Variants in NCR1 observed in about 807,000 individuals in gnomAD.
NCR1 encodes NK cell-activating receptor.
Under a neutral mutation model 32.5 loss-of-function variants are expected in NCR1, and 30 were observed. That is an observed-to-expected ratio of 0.92 (90% CI 0.69 to 1.25). The LOEUF is 1.25. Ranked by LOEUF, NCR1 falls within the 50% of genes most tolerant of loss-of-function variation. The pLI is 0.00. For missense variants in NCR1, 369 were observed against 380.7 expected, an observed-to-expected ratio of 0.97 and a Z score of 0.26; for synonymous variants, 169 against 143.4, an observed-to-expected ratio of 1.18 and a Z score of -1.28.
chr19:54,909,860 G>A (rs962609639), intron 4 of NCR1, among the ~76,000 whole-genome samples, 158 bp from the exon 5 acceptor site: 3 of 150,638 alleles, frequency 2.0e-5, no homozygotes, highest in Non-Finnish European at 4.4e-5. Context: ...GCTTGAACCC[G>A]GGAGGCGGGG....
the NCR1 span, among the ~76,000 whole-genome samples, chr19:54,936,012 G>A: frequency 6.6e-6 from 1 of 152,150 alleles, no homozygotes; most frequent in African/African-American, 2.4e-5. Context: ...GTCAGGAATA[G>A]CATGTCCCTA....
At chr19:54,899,174 C>G in the NCR1 span, among the ~76,000 whole-genome samples, 33 of 152,168 alleles carry the variant, frequency 2.2e-4, no homozygotes, top group African/African-American at 8.0e-4. Context: ...GCCCATTTTA[C>G]AACAAGAATT....
At position 54,913,000 on chromosome 19, in the gene NCR1, A is replaced by G. The variant is rs1230512683; in HGVS notation, c.*129A>G. On this transcript the variant is annotated 3_prime_UTR_variant, in exon 7 of 7. Transcript: ENST00000291890. Reference sequence around the variant, plus strand: ...AGGGAAAGAGGGACACTGGCATTCCATTTGTCAGAGCATCCCGGACGATGC... The same window carrying G: ...AGGGAAAGAGGGACACTGGCATTCCGTTTGTCAGAGCATCCCGGACGATGC... 1.8e-5 allele frequency: 15 copies of G among 835,582 alleles called. No homozygotes were observed. The highest frequency in any genetic ancestry group is 2.6e-5 in the Non-Finnish European group (14 of 548,674). The allele number at this position is 835,582 out of a possible 1,614,324, so 51.8% of individuals were successfully genotyped here.
the NCR1 span, among the ~76,000 whole-genome samples, chr19:54,929,580 G>A: frequency 6.6e-6 from 1 of 152,182 alleles, no homozygotes; most frequent in South Asian, 2.1e-4. Context: ...TTCTGGGGGT[G>A]GTATCCCACC....
intron 2 of NCR1, 41 bp from the exon 3 acceptor site, chr19:54,906,482 A>AG (rs769796522): frequency 6.3e-7 from 1 of 1,598,814 alleles, no homozygotes; most frequent in Non-Finnish European, 8.5e-7. Flanking sequence ...GGTTGGGGGG[A>AG]GGGGGCTCCG....
the NCR1 span, chr19:54,936,520 A>C: frequency 8.7e-7 from 1 of 1,151,210 alleles, no homozygotes; most frequent in Non-Finnish European, 1.3e-6. Context: ...TTTCACATTT[A>C]GAAATTATTA....
At chr19:54,906,366 C>A (rs1257111703) in intron 2 of NCR1, 32 bp downstream of exon 2, 2 of 1,611,656 alleles carry the variant, frequency 1.2e-6, no homozygotes, top group East Asian at 2.2e-5. Flanking sequence ...CAGGGTCACT[C>A]TTCCGGATTC....
intron 4 of NCR1, 32 bp downstream of exon 4, chr19:54,909,555 G>T: frequency 6.3e-7 from 1 of 1,582,864 alleles, no homozygotes. Context: ...CACACCCTTC[G>T]CCGCCATGTG....
chr19:54,912,155 C>G lies in NCR1; in HGVS notation c.683-13C>G. 1 of 1,612,956 alleles carries G rather than the reference C, an allele frequency of 6.2e-7. No homozygotes were observed. Among genetic ancestry groups the G allele is most frequent in the East Asian group, 2.2e-5 (1 of 44,850 alleles). ...CAAAACCATCCTCTTTTCTTCACTT[C>G]CCTTATCATCAGCAGACACTTGGGG... On this transcript the variant is annotated splice_polypyrimidine_tract_variant and intron_variant, in intron 5 of 6. Coordinates refer to ENST00000291890, the MANE Select transcript of NCR1 (RefSeq NM_004829.7).
At chr19:54,923,246 T>G in the NCR1 span, among the ~76,000 whole-genome samples, 1 of 152,152 alleles carries the variant, frequency 6.6e-6, no homozygotes, top group Non-Finnish European at 1.5e-5. Context: ...GGGCCCACAG[T>G]GCCAAGCATA....
the NCR1 span, among the ~76,000 whole-genome samples, chr19:54,932,105 C>T: frequency 2.0e-5 from 3 of 152,042 alleles, no homozygotes; most frequent in East Asian, 1.9e-4. Flanking sequence ...CTTCGTATAA[C>T]GATCAGGTAG....
chr19:54,911,682 G>A (rs1244889356), intron 5 of NCR1, among the ~76,000 whole-genome samples: 1 of 152,110 alleles, frequency 6.6e-6, no homozygotes, highest in African/African-American at 2.4e-5. Context: ...CTCGGGAGGC[G>A]GAGGTTGCAG....
downstream of NCR1, among the ~76,000 whole-genome samples, chr19:54,913,913 T>C (rs775830): frequency 0.12 from 17,644 of 151,594 alleles, 2,348 homozygotes; most frequent in African/African-American, 0.32. Flanking sequence ...ACTAAAAATA[T>C]AAAAATTAGC....
At chr19:54,903,077 C>T (rs2067329163), upstream of NCR1, among the ~76,000 whole-genome samples, 1 of 151,802 alleles carries the variant, frequency 6.6e-6, no homozygotes, top group Non-Finnish European at 1.5e-5. Context: ...TTGCAGTGAG[C>T]TGAGATTGCA....
chr19:54,902,087 T>C (rs749887983), upstream of NCR1, among the ~76,000 whole-genome samples: 1 of 152,190 alleles, frequency 6.6e-6, no homozygotes, highest in Non-Finnish European at 1.5e-5. Context: ...GATCAGACAA[T>C]AGTGTCATAT....
downstream of NCR1, among the ~76,000 whole-genome samples, chr19:54,918,037 A>C (rs946209992): frequency 7.2e-5 from 11 of 151,972 alleles, no homozygotes; most frequent in African/African-American, 2.7e-4. Flanking sequence ...GCTCACTGCA[A>C]GCTCCGCCTC....
At chr19:54,934,412 A>C in the NCR1 span, 4 of 1,468,890 alleles carry the variant, frequency 2.7e-6, no homozygotes, top group East Asian at 2.3e-5. This position sits in a 1 kb window ranked among gnomAD's most constrained non-coding sequence, Gnocchi z 6.7. Flanking sequence ...TGGGTGGCGC[A>C]GTAAGTCAGG....
At chr19:54,914,439 AAT>A (rs2068091701), downstream of NCR1, among the ~76,000 whole-genome samples, 1 of 151,996 alleles carries the variant, frequency 6.6e-6, no homozygotes, top group Non-Finnish European at 1.5e-5. Context: ...CCAGGGTTCA[AAT>A]GATTCTCCTG....
chr19:54,935,465 A>G, the NCR1 span, among the ~76,000 whole-genome samples: 1 of 152,012 alleles, frequency 6.6e-6, no homozygotes, highest in African/African-American at 2.4e-5. Flanking sequence ...GGAGGCCGAG[A>G]CAGGCGGATC....
Sources: allele counts gnomAD v4.1 joint callset (sites outside exome capture counted in the v4.1 genomes callset), GRCh38; gene constraint gnomAD v4.1.1; non-coding constraint Gnocchi (gnomAD v3.1); transcripts MANE v1.5; gene names NCBI Gene and HGNC (gene_info 2026-07-23, HGNC 2026-07-21).